HTR6: variants seen among roughly 807,000 people sequenced by gnomAD.
HTR6 encodes 5-hydroxytryptamine (serotonin) receptor 6, G protein-coupled.
Under a neutral mutation model 17.4 loss-of-function variants are expected in HTR6, and 15 were observed. The ratio of observed to expected loss-of-function variants is 0.86; its 90% confidence interval spans 0.58 to 1.33. The LOEUF (loss-of-function observed/expected upper bound fraction) is 1.33. HTR6 is among the 40% of genes most tolerant of loss of function. The pLI is 0.00. For synonymous variants in HTR6, 326 were observed against 295.5 expected (o/e 1.10, Z -1.06); for missense variants, 578 against 616.0 (o/e 0.94, Z 0.65).
chr1:19,667,888 C>T (rs2095083556), intron 1 of HTR6, among the ~76,000 whole-genome samples: 1 of 152,190 alleles, frequency 6.6e-6, no homozygotes, highest in Non-Finnish European at 1.5e-5. Context: ...CAGCTGGGCT[C>T]TTTTGGTGTA....
In HTR6 at chr1:19,665,842, C is replaced by T. The variant is rs774194160; in HGVS notation, c.89C>T (p.Ala30Val). 6.4e-7 allele frequency: 1 copy of T among 1,573,464 alleles called. No homozygotes were observed. The highest frequency in any genetic ancestry group is 1.8e-5 in the Admixed American group (1 of 54,350). The stretch of plus-strand genomic sequence containing the variant: ...GCCCCGGGGGGCAGCGGCTGGGTGG[C>T]GGCCGCGCTGTGCGTGGTCATCGCG... ...PSAPGGSGWV[A>V]AALCVVIALT... Residue 30 changes from alanine (A) to valine (V), a missense_variant, in exon 1 of 3, where the codon GCG becomes GTG. By Grantham distance (64) the Ala-to-Val change is moderately conservative. Transcript: ENST00000289753. The surrounding 1 kb of genome is among the most constrained non-coding windows in gnomAD (Gnocchi z 4.2).
chr1:19,667,719 C>T (rs1375838867), intron 1 of HTR6, among the ~76,000 whole-genome samples: 1 of 152,184 alleles, frequency 6.6e-6, no homozygotes, highest in East Asian at 1.9e-4. Context: ...GGGGTAGGTG[C>T]TCTTAGCTCA....
chr1:19,665,879 G>T lies in HTR6; in HGVS notation c.126G>T (p.Ala42=), dbSNP rs8192529. The part of the protein sequence containing the change: ...ALCVVIALTA[A]ANSLLIALIC... ...GCGTGGTCATCGCGCTGACGGCGGC[G>T]GCCAACTCGCTGCTGATCGCGCTCA... Residue 42 remains alanine, a synonymous_variant, in exon 1 of 3, where the codon GCG becomes GCT. Coordinates refer to ENST00000289753, the MANE Select transcript of HTR6 (RefSeq NM_000871.3). The surrounding 1 kb of genome is among the most constrained non-coding windows in gnomAD (Gnocchi z 4.2). 0.031 allele frequency: 50,379 copies of T among 1,606,452 alleles called. 874 individuals carry two copies. Among genetic ancestry groups the T allele is most frequent in the Middle Eastern group, 0.043 (259 of 6,046 alleles).
intron 1 of HTR6, among the ~76,000 whole-genome samples, chr1:19,673,701 A>AAAAT (rs1432802343): frequency 1.6e-4 from 25 of 152,314 alleles, no homozygotes; most frequent in Middle Eastern, 3.4e-3. Context: ...TTCGTCTCAA[A>AAAAT]AAATAAATAA....
chr1:19,668,091 T>C (rs2095083772), intron 1 of HTR6, among the ~76,000 whole-genome samples: 1 of 152,228 alleles, frequency 6.6e-6, no homozygotes, highest in Admixed American at 6.5e-5. Flanking sequence ...GGGCCCCACA[T>C]GGACTGGGAG....
At chr1:19,668,817 C>T (rs1213493169) in intron 1 of HTR6, among the ~76,000 whole-genome samples, 1 of 152,160 alleles carries the variant, frequency 6.6e-6, no homozygotes, top group African/African-American at 2.4e-5. Flanking sequence ...AATCTGTATC[C>T]TTTGCCATAA....
At chr1:19,676,468 A>G (rs1337460597) in intron 1 of HTR6, among the ~76,000 whole-genome samples, 2 of 152,206 alleles carry the variant, frequency 1.3e-5, no homozygotes, top group Non-Finnish European at 2.9e-5. Flanking sequence ...TTTCATGTGA[A>G]GAAACACGTT....
Position 19,679,494 on chromosome 1 carries a change from G to T in HTR6, c.*126G>T. On this transcript the variant is annotated 3_prime_UTR_variant, in exon 3 of 3. Transcript: ENST00000289753. This position sits in a 1 kb window ranked among gnomAD's most constrained non-coding sequence, Gnocchi z 4.9. ...CTAGAAGCCCTCTGAGCTCCAGAGG[G>T]GTGCGCAGAGCTGACCCCCTGCTGC... is the stretch of plus-strand genomic sequence containing the variant. The T allele has an allele frequency of 1.5e-6, 2 of 1,376,786 alleles. No individual in the cohort carries two copies. Among genetic ancestry groups the T allele is most frequent in the Non-Finnish European group, 1.9e-6 (2 of 1,047,154 alleles). The allele number at this position is 1,376,786 out of a possible 1,614,324, so 85.3% of individuals were successfully genotyped here. A position where few individuals can be genotyped will look rare whatever the true frequency, so the allele number is the denominator to read the frequency against.
chr1:19,667,665 C>G (rs546932317), intron 1 of HTR6, among the ~76,000 whole-genome samples: 1 of 152,240 alleles, frequency 6.6e-6, no homozygotes, highest in Non-Finnish European at 1.5e-5. Context: ...GTTTTGATCC[C>G]CACTGTGCAT....
chr1:19,665,893 T>A lies in HTR6; in HGVS notation c.140T>A (p.Leu47Gln). 1 of 1,610,904 alleles carries A rather than the reference T, an allele frequency of 6.2e-7. No homozygotes were observed. The highest frequency in any genetic ancestry group is 8.5e-7 in the Non-Finnish European group (1 of 1,178,982). ...IALTAAANSL[L>Q]IALICTQPAL... is the part of the protein sequence containing the mutation. ...CTGACGGCGGCGGCCAACTCGCTGC[T>A]GATCGCGCTCATCTGCACTCAGCCC... Residue 47 changes from leucine (L) to glutamine (Q), a missense_variant, in exon 1 of 3, where the codon CTG (leucine) becomes CAG (glutamine). Leu to Gln is a moderately radical substitution (Grantham distance 113, BLOSUM62 -2). Transcript: ENST00000289753. This position sits in a 1 kb window ranked among gnomAD's most constrained non-coding sequence, Gnocchi z 4.2.
chr1:19,666,065 C>T lies in HTR6; in HGVS notation c.312C>T (p.Ala104=). The T allele has an allele frequency of 1.2e-6, 2 of 1,613,256 alleles. No homozygotes were observed. Among genetic ancestry groups the T allele is most frequent in the Non-Finnish European group, 1.7e-6 (2 of 1,179,842 alleles). ...GCGGCCTCTGCCTGCTCTGGACCGC[C>T]TTCGACGTGATGTGCTGCAGCGCCT... is the stretch of plus-strand genomic sequence containing the variant. ...LARGLCLLWT[A]FDVMCCSASI... The change falls in exon 1 of 3, where the codon GCC becomes GCT. Residue 104 remains alanine (A), a synonymous_variant. Transcript: ENST00000289753. This position sits in a 1 kb window ranked among gnomAD's most constrained non-coding sequence, Gnocchi z 4.5.
intron 1 of HTR6, among the ~76,000 whole-genome samples, chr1:19,672,474 G>A (rs1047214262): frequency 2.0e-5 from 3 of 152,160 alleles, no homozygotes; most frequent in African/African-American, 7.2e-5. Flanking sequence ...GAGCCAGGGA[G>A]AGGCTGGCAG....
At chr1:19,675,886 G>C (rs536536774) in intron 1 of HTR6, among the ~76,000 whole-genome samples, 2 of 152,336 alleles carry the variant, frequency 1.3e-5, no homozygotes, top group African/African-American at 4.8e-5. Context: ...CTCTGGAGGA[G>C]AGAAAACTAG....
Position 19,679,422 on chromosome 1 carries a change from G to T in HTR6, c.*54G>T. ...CTGGATTGAGCAGAACCCAGACCCTGAGTCCTTGGGCCAGCTCTTGGCTAA... is the reference window on the plus strand; with the variant it reads ...CTGGATTGAGCAGAACCCAGACCCTTAGTCCTTGGGCCAGCTCTTGGCTAA... On this transcript the variant is annotated 3_prime_UTR_variant, in exon 3 of 3. Transcript: ENST00000289753. This position sits in a 1 kb window ranked among gnomAD's most constrained non-coding sequence, Gnocchi z 4.9. 6.7e-7 allele frequency: 1 copy of T among 1,484,814 alleles called. No homozygotes were observed. The highest frequency in any genetic ancestry group is 9.0e-7 in the Non-Finnish European group (1 of 1,115,388). The allele number at this position is 1,484,814 out of a possible 1,614,324, so 92.0% of individuals were successfully genotyped here. A position where few individuals can be genotyped will look rare whatever the true frequency, so the allele number is the denominator to read the frequency against.
intron 1 of HTR6, among the ~76,000 whole-genome samples, chr1:19,678,262 A>C (rs116184701): frequency 6.6e-6 from 1 of 152,162 alleles, no homozygotes; most frequent in Non-Finnish European, 1.5e-5. Context: ...ATCAGAGCTC[A>C]GTCTAGGTCC....
rs2095082130 is a variant in HTR6, at chr1:19,666,689, A to G, written c.714+222A>G. Among the ~76,000 whole-genome samples the G allele has an allele frequency of 6.6e-6, 1 of 152,020 alleles. No homozygotes were observed. Among genetic ancestry groups the G allele is most frequent in the Non-Finnish European group, 1.5e-5 (1 of 68,004 alleles). On this transcript the variant is annotated intron_variant, in intron 1 of 2. Coordinates refer to ENST00000289753, the MANE Select transcript of HTR6 (RefSeq NM_000871.3). This position sits in a 1 kb window ranked among gnomAD's most constrained non-coding sequence, Gnocchi z 4.5. ...GGCAGGCTTCTCCCAGGTACCATGT[A>G]CAACAGGGAATTTATGGTGGCCCAA...
Position 19,679,460 on chromosome 1 carries a change from G to C in HTR6, c.*92G>C, listed in dbSNP as rs1027364707. On this transcript the variant is annotated 3_prime_UTR_variant, in exon 3 of 3. Transcript: ENST00000289753. This position sits in a 1 kb window ranked among gnomAD's most constrained non-coding sequence, Gnocchi z 4.9. The stretch of plus-strand genomic sequence containing the variant: ...AGCTCTTGGCTAAGACCAGGAGGCT[G>C]CAAGTCTCCTAGAAGCCCTCTGAGC... 2.8e-6 allele frequency: 4 copies of C among 1,436,246 alleles called. No homozygotes were observed. Among genetic ancestry groups the C allele is most frequent in the Admixed American group, 2.8e-5 (1 of 36,208 alleles). 89.0% of individuals were successfully genotyped at this position (1,436,246 alleles called of 1,614,324 possible). A position where few individuals can be genotyped will look rare whatever the true frequency, so the allele number is the denominator to read the frequency against.
rs1403188892 is a variant in HTR6 at position 19,680,742 on chromosome 1, G to A, written c.*1374G>A. Among the ~76,000 whole-genome samples the A allele has an allele frequency of 6.6e-6, 1 of 152,142 alleles. No individual in the cohort carries two copies. The highest frequency in any genetic ancestry group is 6.5e-5 in the Admixed American group (1 of 15,274). ...GCAGGGGGTTGGGGAACTCTTGGTC[G>A]CCAGTTTACCTGCCATAGGTCCCTT... is the stretch of plus-strand genomic sequence containing the variant. On this transcript the variant is annotated 3_prime_UTR_variant, in exon 3 of 3. Coordinates refer to ENST00000289753, the MANE Select transcript of HTR6 (RefSeq NM_000871.3).
chr1:19,666,753 G>A lies in HTR6; in HGVS notation c.714+286G>A, dbSNP rs545169078. 6.6e-6 allele frequency among the ~76,000 whole-genome samples: 1 copy of A among 152,024 alleles called. No individual in the cohort carries two copies. Among genetic ancestry groups the A allele is most frequent in the East Asian group, 1.9e-4 (1 of 5,158 alleles). ...TGCCTCCCTGGTCTTCCCCATCATG[G>A]CAAATGGCACCATTGCGGCATCACA... On this transcript the variant is annotated intron_variant, in intron 1 of 2. Coordinates refer to ENST00000289753, the MANE Select transcript of HTR6 (RefSeq NM_000871.3). This position sits in a 1 kb window ranked among gnomAD's most constrained non-coding sequence, Gnocchi z 4.5.
Sources: allele counts gnomAD v4.1 joint callset (sites outside exome capture counted in the v4.1 genomes callset), GRCh38; gene constraint gnomAD v4.1.1; non-coding constraint Gnocchi (gnomAD v3.1); transcripts MANE v1.5; gene names NCBI Gene and HGNC (gene_info 2026-07-23, HGNC 2026-07-21).